CEP350: variants seen among roughly 807,000 people sequenced by gnomAD.
The protein encoded by CEP350 is centrosome-associated protein 350.
In CEP350, 126 loss-of-function variants were observed where a neutral mutation model predicts 331.8. The ratio of observed to expected loss-of-function variants is 0.38; its 90% CI spans 0.33 to 0.44. The LOEUF is 0.44. CEP350 is among the 20% of genes least tolerant of loss of function. The probability of loss-of-function intolerance (pLI) is 1.00; values close to 1 mark genes in which losing one functional copy is unlikely to be tolerated. For synonymous variants in CEP350, 1,200 were observed against 1,259.5 expected (o/e 0.95, Z 1.00); for missense variants, 3,406 against 3,634.6 (o/e 0.94, Z 1.62).
At chr1:180,053,223 A>G (rs950659617) in intron 23 of CEP350, 57 bp downstream of exon 23, 2 of 836,028 alleles carry the variant, frequency 2.4e-6, no homozygotes, top group Non-Finnish European at 3.5e-6. Flanking sequence ...TCTCAAAGAT[A>G]TGAGAAAACA....
Position 179,990,623 on chromosome 1 carries a change from T to A in CEP350, c.235+2T>A. Reference sequence around the variant, plus strand: ...CTACTCGAAAAATAAGTAGAAAAGGTATGTATGAAGTTACTTCCAAATATA... The same window carrying A: ...CTACTCGAAAAATAAGTAGAAAAGGAATGTATGAAGTTACTTCCAAATATA... On this transcript the variant is annotated splice_donor_variant, in intron 4 of 37. Transcript: ENST00000367607. LOFTEE classifies it high-confidence loss of function. 1 of 1,511,386 alleles carries A rather than the reference T, an allele frequency of 6.6e-7. No homozygotes were observed. The highest frequency in any genetic ancestry group is 1.8e-5 in the Admixed American group (1 of 54,702). 93.6% of individuals were successfully genotyped at this position (1,511,386 alleles called of 1,614,324 possible).
At position 180,020,147 on chromosome 1, in the gene CEP350, A is replaced by G; in HGVS notation, c.2373A>G (p.Pro791=). 1 of 1,614,024 alleles carries G rather than the reference A, an allele frequency of 6.2e-7. No individual in the cohort carries two copies. ...TRKNHNMASR[P]LTFTPQPYVT... The stretch of plus-strand genomic sequence containing the variant: ...AGAATCATAATATGGCTTCAAGGCC[A>G]TTAACTTTTACACCTCAACCATATG... The change falls in exon 12 of 38, where the codon CCA becomes CCG. Residue 791 remains proline (P), a synonymous_variant. Coordinates refer to ENST00000367607, the MANE Select transcript of CEP350 (RefSeq NM_014810.5).
At position 180,053,927 on chromosome 1, in the gene CEP350, CA is replaced by C; in HGVS notation, c.5174del (p.Lys1725AsnfsTer24). The C allele has an allele frequency of 1.4e-5, 21 of 1,538,608 alleles. No homozygotes were observed. The highest frequency in any genetic ancestry group is 1.7e-4 in the Middle Eastern group (1 of 5,726). Reference protein sequence around the residue: ...TKAELAWLEHQKKHLRDKGED... With the variant: ...TKAELAWLEHXKKHLRDKGED... ...GGCTGAATTGGCCTGGTTAGAGCATCAAAAAAAGTAAGTTCTTTTGAGCAGT... is the reference window on the plus strand; with the variant it reads ...GGCTGAATTGGCCTGGTTAGAGCATCAAAAAAGTAAGTTCTTTTGAGCAGT... On this transcript the variant is annotated frameshift_variant, in exon 24 of 38. Transcript: ENST00000367607. LOFTEE classifies it high-confidence loss of function.
In CEP350 at chr1:180,090,838, C is replaced by CT. The variant is rs369390122; in HGVS notation, c.6508+43dup. On this transcript the variant is annotated intron_variant, in intron 33 of 37. Coordinates refer to ENST00000367607, the MANE Select transcript of CEP350 (RefSeq NM_014810.5). The stretch of plus-strand genomic sequence containing the variant: ...AATAATTAACTTGTAGCTACATAGT[C>CT]TAAGGATTTATGCAAAGGCCTACAA... The CT allele has an allele frequency of 6.8e-6, 10 of 1,475,022 alleles. No homozygotes were observed. The Middle Eastern group carries it at 7.0e-4, about 103-fold the overall frequency. 91.4% of individuals were successfully genotyped at this position (1,475,022 alleles called of 1,614,324 possible).
At chr1:180,055,382 T>G in intron 25 of CEP350, among the ~76,000 whole-genome samples, 1 of 152,100 alleles carries the variant, frequency 6.6e-6, no homozygotes, top group East Asian at 1.9e-4. Context: ...TTCAATAGAT[T>G]CCAGTTTTTT....
chr1:180,041,247 A>G lies in CEP350; in HGVS notation c.4220A>G (p.Gln1407Arg). The G allele has an allele frequency of 6.5e-7, 1 of 1,546,966 alleles. No individual in the cohort carries two copies. The highest frequency in any genetic ancestry group is 1.2e-5 in the South Asian group (1 of 82,076). ...GAAGAAACCCGAAACAAAGCAGCTCAGGTAACTTATTTTGCAGCAGGTTCT... is the reference window on the plus strand; with the variant it reads ...GAAGAAACCCGAAACAAAGCAGCTCGGGTAACTTATTTTGCAGCAGGTTCT... ...QLEETRNKAA[Q>R]VHAESLQQVV... The change falls in exon 18 of 38, where the codon CAG becomes CGG. Residue 1407 changes from glutamine (Q) to arginine (R), a missense_variant and splice_region_variant. Transcript: ENST00000367607.
chr1:180,013,532 G>A (rs1359229412), intron 9 of CEP350, among the ~76,000 whole-genome samples: 1 of 152,102 alleles, frequency 6.6e-6, no homozygotes, highest in African/African-American at 2.4e-5. Context: ...CACTAAATAT[G>A]TATATAAGAG....
chr1:180,080,775 G>A, intron 30 of CEP350, 114 bp downstream of exon 30: 1 of 839,604 alleles, frequency 1.2e-6, no homozygotes, highest in Non-Finnish European at 2.0e-6. Flanking sequence ...ACAGTGGTGA[G>A]TTTATGTAGG....
At chr1:180,037,226 T>C (rs928127344) in intron 17 of CEP350, 137 bp downstream of exon 17, 8 of 620,898 alleles carry the variant, frequency 1.3e-5, no homozygotes, top group Admixed American at 4.2e-5. Context: ...TAAATAGTCC[T>C]GGGAAAAATC....
intron 1 of CEP350, among the ~76,000 whole-genome samples, chr1:179,963,958 T>A (rs1650815610): frequency 6.6e-6 from 1 of 152,234 alleles, no homozygotes. Flanking sequence ...GAGCATGGAA[T>A]GTTTTTCCAT....
intron 37 of CEP350, among the ~76,000 whole-genome samples, chr1:180,110,420 T>C (rs116456046): frequency 0.011 from 1,623 of 152,280 alleles, 26 homozygotes; most frequent in African/African-American, 0.037. Flanking sequence ...AGCCACACCA[T>C]CATGAGGGTA....
At position 179,968,919 on chromosome 1, in the gene CEP350, T is replaced by C. The variant is rs917336761; in HGVS notation, c.-14+13777T>C. On this transcript the variant is annotated intron_variant, in intron 1 of 37. Transcript: ENST00000367607. ...GCCAGAAGGCTGTGTTGAAGTTTGC[T>C]GCTGCCACTGGAGCCACTCCAATTG... 4.0e-6 allele frequency: 3 copies of C among 757,196 alleles called. No individual in the cohort carries two copies. The African/African-American group carries it at 5.1e-5, about 13-fold the overall frequency. The allele number at this position is 757,196 out of a possible 1,614,324, so 46.9% of individuals were successfully genotyped here.
intron 1 of CEP350, among the ~76,000 whole-genome samples, chr1:179,971,339 T>C (rs915345835): frequency 6.6e-6 from 1 of 152,066 alleles, no homozygotes; most frequent in African/African-American, 2.4e-5. Flanking sequence ...TTGTTTTGTT[T>C]TTAAGACAGG....
At chr1:180,001,297 C>T (rs191813701) in intron 6 of CEP350, among the ~76,000 whole-genome samples, 19 of 152,228 alleles carry the variant, frequency 1.2e-4, no homozygotes, top group Admixed American at 1.0e-3. Flanking sequence ...CTCAGTCTGT[C>T]GCCCAGGCTG....
intron 36 of CEP350, among the ~76,000 whole-genome samples, chr1:180,096,991 G>A (rs769525179): frequency 7.2e-5 from 11 of 152,184 alleles, no homozygotes; most frequent in Non-Finnish European, 1.3e-4. Flanking sequence ...TGGTCCTGCT[G>A]GTCCTGCTGG....
chr1:180,028,231 A>G (rs1655800946), intron 14 of CEP350, among the ~76,000 whole-genome samples: 1 of 152,208 alleles, frequency 6.6e-6, no homozygotes, highest in South Asian at 2.1e-4. Context: ...TTATTTTAGG[A>G]TAAGGATGAG....
chr1:179,985,105 G>T (rs1030078017), intron 1 of CEP350, among the ~76,000 whole-genome samples: 14 of 152,030 alleles, frequency 9.2e-5, no homozygotes, highest in African/African-American at 3.4e-4. Flanking sequence ...TCCATTTCCA[G>T]ATTTCTTTTC....
At chr1:180,104,519 T>A (rs942499362) in intron 37 of CEP350, among the ~76,000 whole-genome samples, 1 of 152,192 alleles carries the variant, frequency 6.6e-6, no homozygotes, top group Non-Finnish European at 1.5e-5. Context: ...GATTCTTTTA[T>A]AAATGGAGAG....
At position 179,971,244 on chromosome 1, in the gene CEP350, G is replaced by T. The variant is rs140049452; in HGVS notation, c.-13-14925G>T. ...GGGTTTCACCATGTTGGCCAGGCTG[G>T]TCTCGAACTCCTGACTGCAGGTGAT... is the stretch of plus-strand genomic sequence containing the variant. On this transcript the variant is annotated intron_variant, in intron 1 of 37. Transcript: ENST00000367607. Among the ~76,000 whole-genome samples, 510 of 152,136 alleles carry T rather than the reference G, an allele frequency of 3.4e-3. 2 individuals carry two copies. The highest frequency in any genetic ancestry group is 0.012 in the African/African-American group (480 of 41,502).
Sources: gnomAD v4.1 joint callset for allele counts (sites outside exome capture counted in the v4.1 genomes callset) on GRCh38, gnomAD v4.1.1 for gene constraint, MANE v1.5 for transcripts, NCBI Gene and HGNC (gene_info 2026-07-23, HGNC 2026-07-21) for gene names.